Variants in OR2T12 observed in about 807,000 individuals in gnomAD.
OR2T12 encodes the protein olfactory receptor family 2 subfamily T member 12, also known as olfactory receptor 2T12.
For missense variants in OR2T12, 335 were observed against 404.3 expected, an observed-to-expected ratio of 0.83 and a Z score of 1.47; for synonymous variants, 127 against 160.5, an observed-to-expected ratio of 0.79 and a Z score of 1.58.
rs936724441 is a variant in OR2T12 at position 248,293,173 on chromosome 1, A to G, written c.*1443T>C. 1.3e-4 allele frequency: 20 copies of G among 152,148 alleles called. No individual in the cohort carries two copies. The highest frequency in any genetic ancestry group is 4.8e-4 in the African/African-American group (20 of 41,450). 9.4% of individuals were successfully genotyped at this position (152,148 alleles called of 1,614,324 possible). On this transcript the variant is annotated 3_prime_UTR_variant, in exon 3 of 3. Coordinates refer to ENST00000641276, the MANE Select transcript of OR2T12 (RefSeq NM_001004692.2). ...AGACATGGGCTCAGGATCTGCATGCAGTGGTTAAGGTACTATCTTAACTAT... is the reference window on the plus strand; with the variant it reads ...AGACATGGGCTCAGGATCTGCATGCGGTGGTTAAGGTACTATCTTAACTAT...
Position 248,295,118 on chromosome 1 carries a change from C to G in OR2T12, c.461G>C (p.Gly154Ala). The change falls in exon 3 of 3, where the codon GGC becomes GCC. Residue 154 changes from glycine to alanine, a missense_variant. Transcript: ENST00000641276. ...MSSWLLGAAD[G>A]LLQAVATLSF... The stretch of plus-strand genomic sequence containing the variant: ...CAGGGTAGCAACAGCCTGCAGGAGG[C>G]CGTCAGCTGCACCCAGGAGCCAGGA... 1.9e-6 allele frequency: 3 copies of G among 1,603,432 alleles called. No homozygotes were observed. Among genetic ancestry groups the G allele is most frequent in the Non-Finnish European group, 2.6e-6 (3 of 1,175,416 alleles).
In OR2T12 at chr1:248,294,413, A is replaced by T; in HGVS notation, c.*203T>A. Reference sequence around the variant, plus strand: ...GTTGTTGTAGGATACAAAGTAATCTATAGGTATTACTTCACTTGAAGAAAA... The same window carrying T: ...GTTGTTGTAGGATACAAAGTAATCTTTAGGTATTACTTCACTTGAAGAAAA... On this transcript the variant is annotated 3_prime_UTR_variant, in exon 3 of 3. Coordinates refer to ENST00000641276, the MANE Select transcript of OR2T12 (RefSeq NM_001004692.2). 1 of 593,226 alleles carries T rather than the reference A, an allele frequency of 1.7e-6. No individual in the cohort carries two copies. Among genetic ancestry groups the T allele is most frequent in the Non-Finnish European group, 2.8e-6 (1 of 353,224 alleles). 36.7% of individuals were successfully genotyped at this position (593,226 alleles called of 1,614,324 possible). A position where few individuals can be genotyped will look rare whatever the true frequency, so the allele number is the denominator to read the frequency against.
At chr1:248,300,774 G>C (rs1270360832) in intron 2 of OR2T12, among the ~76,000 whole-genome samples, 1 of 151,968 alleles carries the variant, frequency 6.6e-6, no homozygotes, top group Non-Finnish European at 1.5e-5. Context: ...AGTGAGTCTT[G>C]CTATGAGCTT....
In OR2T12 at chr1:248,291,242, A is replaced by G. The variant is rs1482337348; in HGVS notation, c.*3374T>C. 1 of 152,150 alleles carries G rather than the reference A, an allele frequency of 6.6e-6. No individual in the cohort carries two copies. Among genetic ancestry groups the G allele is most frequent in the African/African-American group, 2.4e-5 (1 of 41,434 alleles). The allele number at this position is 152,150 out of a possible 1,614,324, so 9.4% of individuals were successfully genotyped here. ...CTTAAGCTGATAAGCAACTTCAGCA[A>G]AGTCTCAGGATACAATATCAATGTG... On this transcript the variant is annotated 3_prime_UTR_variant, in exon 3 of 3. Transcript: ENST00000641276.
Position 248,294,600 on chromosome 1 carries a change from C to T in OR2T12, c.*16G>A. On this transcript the variant is annotated 3_prime_UTR_variant, in exon 3 of 3. Coordinates refer to ENST00000641276, the MANE Select transcript of OR2T12 (RefSeq NM_001004692.2). ...ATGTTAATAAATTCAGGAACTTAGA[C>T]TCATCTGACACTAGATCATCTTGAC... 4 of 1,607,176 alleles carry T rather than the reference C, an allele frequency of 2.5e-6. No homozygotes were observed. The highest frequency in any genetic ancestry group is 1.7e-4 in the Middle Eastern group (1 of 5,988).
In OR2T12 at chr1:248,293,533, T is replaced by C. The variant is rs1459794674; in HGVS notation, c.*1083A>G. ...CTATCTTGTGTCTTTAATAATAGTA[T>C]AGTCTTCTTTTATTCTTCTGCAAAC... On this transcript the variant is annotated 3_prime_UTR_variant, in exon 3 of 3. Transcript: ENST00000641276. 6.6e-6 allele frequency: 1 copy of C among 152,104 alleles called. No homozygotes were observed. The highest frequency in any genetic ancestry group is 1.5e-5 in the Non-Finnish European group (1 of 67,954). The allele number at this position is 152,104 out of a possible 1,614,324, so 9.4% of individuals were successfully genotyped here.
rs763802864 is a variant in OR2T12 at position 248,295,076 on chromosome 1, C to G, written c.503G>C (p.Gly168Ala). 1.9e-5 allele frequency: 30 copies of G among 1,608,928 alleles called. No individual in the cohort carries two copies. The highest frequency in any genetic ancestry group is 8.4e-5 in the Admixed American group (5 of 59,450). The change falls in exon 3 of 3, where the codon GGT (glycine) becomes GCT (alanine). Residue 168 changes from glycine (G) to alanine (A), a missense_variant. Physicochemically the swap from Gly to Ala is moderately conservative, Grantham distance 60. Coordinates refer to ENST00000641276, the MANE Select transcript of OR2T12 (RefSeq NM_001004692.2). ...GAAGAAGTGATCGATCTCGTGTGCACCGCAATATGGGAAGCTCAGGGTAGC... is the reference window on the plus strand; with the variant it reads ...GAAGAAGTGATCGATCTCGTGTGCAGCGCAATATGGGAAGCTCAGGGTAGC... ...AVATLSFPYCGAHEIDHFFCE... is the reference protein window; with the variant it reads ...AVATLSFPYCAAHEIDHFFCE...
rs77223856 is a variant in OR2T12 at position 248,295,483 on chromosome 1, G to A, written c.96C>T (p.Thr32=). The A allele has an allele frequency of 3.7e-6, 6 of 1,612,860 alleles. No homozygotes were observed. Among genetic ancestry groups the A allele is most frequent in the Middle Eastern group, 1.7e-4 (1 of 6,052 alleles). Residue 32 remains threonine (T), a synonymous_variant, in exon 3 of 3, where the codon ACC becomes ACT. Transcript: ENST00000641276. ...CATTGCTAAACAGGGAGGTCAAAAC[G>A]GTGGCCAGAAGCATCATGAAGAGGA... ...HQVLFMMLLA[T]VLTSLFSNAL... is the part of the protein sequence containing the mutation.
At position 248,294,821 on chromosome 1, in the gene OR2T12, C is replaced by G. The variant is rs140090926; in HGVS notation, c.758G>C (p.Gly253Ala). Reference sequence around the variant, plus strand: ...TTTGGGTCTCATATAGGTAAAAATGCCAGCTCCATAAAAGAGTCCCACCAC... The same window carrying G: ...TTTGGGTCTCATATAGGTAAAAATGGCAGCTCCATAAAAGAGTCCCACCAC... ...VAVVGLFYGA[G>A]IFTYMRPKSH... The change falls in exon 3 of 3, where the codon GGC becomes GCC. Residue 253 changes from glycine to alanine, a missense_variant. Physicochemically the swap from Gly to Ala is moderately conservative, Grantham distance 60. Coordinates refer to ENST00000641276, the MANE Select transcript of OR2T12 (RefSeq NM_001004692.2). 1,787 of 1,613,010 alleles carry G rather than the reference C, an allele frequency of 1.1e-3. 4 individuals are homozygous for G. Among genetic ancestry groups the G allele is most frequent in the Non-Finnish European group, 1.3e-3 (1,501 of 1,179,574 alleles).
chr1:248,298,496 G>T (rs7415807), intron 2 of OR2T12, among the ~76,000 whole-genome samples: 113,761 of 151,576 alleles, frequency 0.75, 42,941 homozygotes, highest in South Asian at 0.87. Flanking sequence ...TCTTTTTGGT[G>T]GGTAAGCTAT....
Position 248,292,065 on chromosome 1 carries a change from A to G in OR2T12, c.*2551T>C, listed in dbSNP as rs1411747350. 6.6e-6 allele frequency: 1 copy of G among 152,254 alleles called. No individual in the cohort carries two copies. The highest frequency in any genetic ancestry group is 1.9e-4 in the East Asian group (1 of 5,208). 9.4% of individuals were successfully genotyped at this position (152,254 alleles called of 1,614,324 possible). A position where few individuals can be genotyped will look rare whatever the true frequency, so the allele number is the denominator to read the frequency against. On this transcript the variant is annotated 3_prime_UTR_variant, in exon 3 of 3. Transcript: ENST00000641276. ...ACCAAAGCAATGGCAACAAAAGCCA[A>G]AATTGACAAATGGGATATAATTAAA...
intron 2 of OR2T12, among the ~76,000 whole-genome samples, chr1:248,296,458 T>G (rs1208732355): frequency 6.6e-6 from 1 of 152,240 alleles, no homozygotes; most frequent in Non-Finnish European, 1.5e-5. Context: ...TGAACGAGTT[T>G]ACAGCCCCAC....
rs1659658678 is a variant in OR2T12 at position 248,293,283 on chromosome 1, T to A, written c.*1333A>T. 1 of 152,164 alleles carries A rather than the reference T, an allele frequency of 6.6e-6. No individual in the cohort carries two copies. The highest frequency in any genetic ancestry group is 2.1e-4 in the South Asian group (1 of 4,832). The allele number at this position is 152,164 out of a possible 1,614,324, so 9.4% of individuals were successfully genotyped here. On this transcript the variant is annotated 3_prime_UTR_variant, in exon 3 of 3. Transcript: ENST00000641276. ...GAACAGTTACCTTTTGAAATTCAGGTTGGTCTGAAATGGCGGGTTAACTTT... is the reference window on the plus strand; with the variant it reads ...GAACAGTTACCTTTTGAAATTCAGGATGGTCTGAAATGGCGGGTTAACTTT...
chr1:248,297,654 C>G (rs1172726038), intron 2 of OR2T12, among the ~76,000 whole-genome samples: 1 of 151,450 alleles, frequency 6.6e-6, no homozygotes, highest in East Asian at 1.9e-4. Context: ...GGCTCTCTGT[C>G]TGTTATTGGT....
At chr1:248,297,594 G>T (rs1659749788) in intron 2 of OR2T12, among the ~76,000 whole-genome samples, 1 of 152,088 alleles carries the variant, frequency 6.6e-6, no homozygotes, top group Non-Finnish European at 1.5e-5. Context: ...GGATTCCTAG[G>T]TATTTTATTC....
In OR2T12 at chr1:248,295,471, G is replaced by C. The variant is rs145268248; in HGVS notation, c.108C>G (p.Ser36=). 5.4e-4 allele frequency: 874 copies of C among 1,612,774 alleles called. 8 individuals carry two copies. Among genetic ancestry groups the C allele is most frequent in the Non-Finnish European group, 7.1e-4 (834 of 1,179,698 alleles). The change falls in exon 3 of 3, where the codon TCC becomes TCG. Residue 36 remains serine (S), a synonymous_variant. Coordinates refer to ENST00000641276, the MANE Select transcript of OR2T12 (RefSeq NM_001004692.2). ...GAATCATGAGGGCATTGCTAAACAG[G>C]GAGGTCAAAACGGTGGCCAGAAGCA... ...FMMLLATVLT[S]LFSNALMILL...
chr1:248,300,942 A>G (rs1367636889), intron 2 of OR2T12, among the ~76,000 whole-genome samples: 6 of 152,166 alleles, frequency 3.9e-5, no homozygotes, highest in Non-Finnish European at 8.8e-5. Context: ...CATTTCTACC[A>G]TATGTTTTAC....
At chr1:248,299,514 A>G (rs1659783395) in intron 2 of OR2T12, among the ~76,000 whole-genome samples, 1 of 152,198 alleles carries the variant, frequency 6.6e-6, no homozygotes, top group Non-Finnish European at 1.5e-5. Context: ...CACCCAATAC[A>G]GGAGCATCCA....
intron 2 of OR2T12, among the ~76,000 whole-genome samples, chr1:248,297,052 A>C (rs1208111932): frequency 2.0e-5 from 3 of 152,188 alleles, no homozygotes; most frequent in Non-Finnish European, 4.4e-5. Flanking sequence ...GAAGGGATCC[A>C]GCTTCAGCTT....
Sources: gnomAD v4.1 joint callset for allele counts (sites outside exome capture counted in the v4.1 genomes callset) on GRCh38, gnomAD v4.1.1 for gene constraint, MANE v1.5 for transcripts, NCBI Gene and HGNC (gene_info 2026-07-23, HGNC 2026-07-21) for gene names.